The following KMT2A variants were observed in gnomAD, a reference collection of about 807,000 sequenced individuals.
KMT2A encodes the protein lysine methyltransferase 2A, also known as histone-lysine N-methyltransferase 2A.
A neutral mutation model predicts 345.3 loss-of-function variants in KMT2A; 16 were observed. The ratio of observed to expected loss-of-function variants is 0.05; its 90% CI spans 0.03 to 0.07. The LOEUF is 0.07. Among genes scored for constraint, KMT2A ranks in the 10% least tolerant of loss-of-function variants. The pLI is 1.00. For synonymous variants in KMT2A, 1,599 were observed against 1,778.6 expected (o/e 0.90, Z 2.54); for missense variants, 3,272 against 4,841.6 (o/e 0.68, Z 9.62).
chr11:118,478,230 G>T, intron 5 of KMT2A, 29 bp downstream of exon 5: 1 of 1,543,800 alleles, frequency 6.5e-7, no homozygotes, highest in South Asian at 1.1e-5. Flanking sequence ...CTGAGATGTT[G>T]ACCTCTCAAC....
intron 1 of KMT2A, among the ~76,000 whole-genome samples, chr11:118,454,217 C>T (rs1389906864): frequency 6.6e-6 from 1 of 152,200 alleles, no homozygotes; most frequent in Non-Finnish European, 1.5e-5. Flanking sequence ...CTATCTGTGT[C>T]TCCCCACACT....
At chr11:118,475,908 C>A (rs981098484) in intron 3 of KMT2A, among the ~76,000 whole-genome samples, 9 of 151,916 alleles carry the variant, frequency 5.9e-5, no homozygotes, top group Non-Finnish European at 8.8e-5. Flanking sequence ...GCCTTTTATA[C>A]TTTCTCTTTT....
At chr11:118,486,105 C>T (rs1423339579) in intron 10 of KMT2A, among the ~76,000 whole-genome samples, 3 of 151,934 alleles carry the variant, frequency 2.0e-5, no homozygotes, top group African/African-American at 7.3e-5. Context: ...AAGTGTAGGG[C>T]ATATATAATG....
In KMT2A at chr11:118,519,781, A is replaced by C; in HGVS notation, c.11310A>C (p.Glu3770Asp). The C allele has an allele frequency of 6.2e-7, 1 of 1,612,416 alleles. No individual in the cohort carries two copies. Among genetic ancestry groups the C allele is most frequent in the Non-Finnish European group, 8.5e-7 (1 of 1,178,474 alleles). ...ACCCTCACGGCTCAGCCAGGGCTGA[A>C]GTCCACCTCAGGCAAGTTCCCTTCT... The part of the protein sequence containing the change: ...PLNPHGSARA[E>D]VHLRKSAFDM... The change falls in exon 32 of 36, where the codon GAA becomes GAC. Residue 3770 changes from glutamate (E) to aspartate (D), a missense_variant. This residue lies in a region of KMT2A where 72 missense variants were observed against 135.6 expected (regional missense o/e 0.53). Coordinates refer to ENST00000534358, the MANE Select transcript of KMT2A (RefSeq NM_001197104.2).
intron 11 of KMT2A, among the ~76,000 whole-genome samples, chr11:118,489,359 C>T (rs2134331103): frequency 6.6e-6 from 1 of 152,136 alleles, no homozygotes. Flanking sequence ...TGGAACCAAT[C>T]CCCCATGGAA....
chr11:118,452,198 G>T (rs553218245), intron 1 of KMT2A, among the ~76,000 whole-genome samples: 1 of 152,146 alleles, frequency 6.6e-6, no homozygotes, highest in African/African-American at 2.4e-5. Context: ...ACACAACTAC[G>T]TCTGGCTCTG....
At chr11:118,440,782 A>ATTT (rs797030448) in intron 1 of KMT2A, among the ~76,000 whole-genome samples, 1 of 133,958 alleles carries the variant, frequency 7.5e-6, no homozygotes, top group Non-Finnish European at 1.6e-5. Flanking sequence ...GGAGAGCGTG[A>ATTT]TTTTTTTTTT....
At chr11:118,499,061 T>C (rs1950456532) in intron 22 of KMT2A, among the ~76,000 whole-genome samples, 1 of 152,268 alleles carries the variant, frequency 6.6e-6, no homozygotes, top group Non-Finnish European at 1.5e-5. Flanking sequence ...TAGTTGCTTT[T>C]TGAATTATTT....
intron 1 of KMT2A, among the ~76,000 whole-genome samples, chr11:118,455,282 C>T (rs1223402220): frequency 6.6e-6 from 1 of 152,140 alleles, no homozygotes. Context: ...TAGTTCTTTA[C>T]ATGTATCTTG....
In KMT2A at chr11:118,504,656, G is replaced by A; in HGVS notation, c.8764G>A (p.Glu2922Lys). ...SSVSSSISAE[E>K]QFELPLELPS... ...TGTCTCTTCCTCTATCTCAGCAGAG[G>A]AACAGTTTGAGTTGCCTCTAGAGCT... The change falls in exon 27 of 36, where the codon GAA (glutamate) becomes AAA (lysine). Residue 2922 changes from glutamate to lysine, a missense_variant. Glu to Lys is a moderately conservative substitution (Grantham distance 56). Coordinates refer to ENST00000534358, the MANE Select transcript of KMT2A (RefSeq NM_001197104.2). The surrounding 1 kb of genome is among the most constrained non-coding windows in gnomAD (Gnocchi z 6.4). 6.2e-7 allele frequency: 1 copy of A among 1,614,164 alleles called. No homozygotes were observed. The highest frequency in any genetic ancestry group is 8.5e-7 in the Non-Finnish European group (1 of 1,180,024).
rs139936114 is a variant in KMT2A, at chr11:118,483,050, T to C, written c.4086+555T>C. Among the ~76,000 whole-genome samples, 60 of 150,606 alleles carry C rather than the reference T, an allele frequency of 4.0e-4. 2 individuals carry two copies. The East Asian group carries it at 0.012, about 29-fold the overall frequency. On this transcript the variant is annotated intron_variant, in intron 8 of 35. Transcript: ENST00000534358. ...GAGTTGGAGACCAGCCTGGCCAACA[T>C]GGTGAAACCCTGTCTCTACTGAAAA...
Position 118,484,382 on chromosome 11 carries a change from C to A in KMT2A, c.4218+68C>A. The A allele has an allele frequency of 1.3e-6, 2 of 1,530,222 alleles. No homozygotes were observed. Among genetic ancestry groups the A allele is most frequent in the Non-Finnish European group, 1.8e-6 (2 of 1,117,258 alleles). 94.8% of individuals were successfully genotyped at this position (1,530,222 alleles called of 1,614,324 possible). On this transcript the variant is annotated intron_variant, in intron 9 of 35. Coordinates refer to ENST00000534358, the MANE Select transcript of KMT2A (RefSeq NM_001197104.2). The surrounding 1 kb of genome is among the most constrained non-coding windows in gnomAD (Gnocchi z 4.1). The stretch of plus-strand genomic sequence containing the variant: ...ACTTTAAATAAAGAAAATGCTACTA[C>A]CAAAGGTGTTGAAAGAGGAAATCAG...
At chr11:118,485,739 A>T (rs1555040686) in intron 10 of KMT2A, among the ~76,000 whole-genome samples, 2 of 152,200 alleles carry the variant, frequency 1.3e-5, no homozygotes, top group Admixed American at 1.3e-4. Flanking sequence ...ATAATAAAAA[A>T]CTGGAAACAA....
intron 10 of KMT2A, among the ~76,000 whole-genome samples, chr11:118,486,047 C>T (rs757178260): frequency 5.3e-5 from 8 of 152,162 alleles, no homozygotes; most frequent in Admixed American, 1.3e-4. Flanking sequence ...CGCCCCACTG[C>T]ACTCCCGCCT....
chr11:118,439,087 C>T (rs782700266), intron 1 of KMT2A: 4 of 514,134 alleles, frequency 7.8e-6, no homozygotes, highest in African/African-American at 5.8e-5. Context: ...AAAGACTGAA[C>T]CGTTCAGGTT....
intron 31 of KMT2A, among the ~76,000 whole-genome samples, chr11:118,515,458 G>A (rs1416053544): frequency 6.6e-6 from 1 of 152,194 alleles, no homozygotes; most frequent in Non-Finnish European, 1.5e-5. Context: ...TGTCAGGATT[G>A]ATTGGTACAG....
In KMT2A at chr11:118,503,638, A is replaced by G. The variant is rs1394344999; in HGVS notation, c.7746A>G (p.Ser2582=). ...PVAQPSPNNT[S]CQDSQSNNYQ... ...CCCAACCAAGCCCCAATAATACCTC[A>G]TGCCAGGATTCTCAAAGTAACAACT... Residue 2582 remains serine (S), a synonymous_variant, in exon 27 of 36, where the codon TCA becomes TCG. Transcript: ENST00000534358. This position sits in a 1 kb window ranked among gnomAD's most constrained non-coding sequence, Gnocchi z 5.3. The G allele has an allele frequency of 2.5e-6, 4 of 1,614,084 alleles. No homozygotes were observed. In the Admixed American group the frequency reaches 5.0e-5, roughly 20 times the overall value.
Position 118,472,547 on chromosome 11 carries a change from G to C in KMT2A, c.1388G>C (p.Ser463Thr). The C allele has an allele frequency of 6.2e-7, 1 of 1,612,448 alleles. No homozygotes were observed. The highest frequency in any genetic ancestry group is 8.5e-7 in the Non-Finnish European group (1 of 1,179,750). The change falls in exon 3 of 36, where the codon AGT becomes ACT. Residue 463 changes from serine to threonine, a missense_variant. Ser to Thr is a moderately conservative substitution (Grantham distance 58, BLOSUM62 1). This residue lies in a region of KMT2A where 180 missense variants were observed against 190.7 expected (regional missense o/e 0.94). Transcript: ENST00000534358. Reference protein sequence around the residue: ...APSCGSSEKSSAASQHSSQMS... With the variant: ...APSCGSSEKSTAASQHSSQMS... ...TCCTGTGGATCTTCTGAAAAATCAA[G>C]TGCAGCTTCTCAGCACTCCTCTCAA...
intron 24 of KMT2A, 122 bp from the exon 25 acceptor site, chr11:118,500,865 A>G (rs1555045393): frequency 1.5e-6 from 1 of 650,546 alleles, no homozygotes; most frequent in African/African-American, 1.8e-5. Context: ...AACCCATAAA[A>G]TAAAGCTAAA....
Sources: allele counts gnomAD v4.1 joint callset (sites outside exome capture counted in the v4.1 genomes callset), GRCh38; gene constraint gnomAD v4.1.1; regional missense constraint gnomAD v4.1.1; non-coding constraint Gnocchi (gnomAD v3.1); transcripts MANE v1.5; gene names NCBI Gene and HGNC (gene_info 2026-07-23, HGNC 2026-07-21).